ERC2: variants seen among roughly 807,000 people sequenced by gnomAD.
ERC2 encodes the protein ELKS/RAB6-interacting/CAST family member 2, also known as ERC protein 2.
A neutral mutation model predicts 114.8 loss-of-function variants in ERC2; 42 were observed. That is an observed-to-expected ratio of 0.37 (90% confidence interval 0.29 to 0.47). ERC2 has a LOEUF of 0.47. Among genes scored for constraint, ERC2 ranks in the 20% least tolerant of loss-of-function variants. The probability of loss-of-function intolerance (pLI) is 0.99; values close to 1 mark genes in which losing one functional copy is unlikely to be tolerated. For missense variants in ERC2, 939 were observed against 1,150.7 expected (o/e 0.82, Z 2.66); for synonymous variants, 454 against 425.5 (o/e 1.07, Z -0.82).
intron 6 of ERC2, among the ~76,000 whole-genome samples, chr3:56,115,191 A>G (rs540361976): frequency 6.6e-6 from 1 of 152,256 alleles, no homozygotes; most frequent in South Asian, 2.1e-4. Context: ...TCTCTATTGC[A>G]ATTCCCCTGT....
intron 10 of ERC2, among the ~76,000 whole-genome samples, chr3:55,998,334 T>G (rs1395082305): frequency 2.0e-5 from 3 of 152,162 alleles, no homozygotes; most frequent in Non-Finnish European, 2.9e-5. Flanking sequence ...TAATTATTAA[T>G]GCAATCCTTT....
intron 17 of ERC2, among the ~76,000 whole-genome samples, chr3:55,651,912 TG>T (rs1462522424): frequency 1.3e-5 from 2 of 152,258 alleles, no homozygotes; most frequent in Non-Finnish European, 2.9e-5. Context: ...CTCGGAATGC[TG>T]TTGCATTTCA....
intron 17 of ERC2, among the ~76,000 whole-genome samples, chr3:55,517,912 A>G (rs534748712): frequency 1.2e-4 from 19 of 152,362 alleles, no homozygotes; most frequent in African/African-American, 4.6e-4. Flanking sequence ...TTTCCTCAAA[A>G]GAATACCTTC....
At chr3:56,122,535 A>G (rs2079637473) in intron 6 of ERC2, among the ~76,000 whole-genome samples, 1 of 152,164 alleles carries the variant, frequency 6.6e-6, no homozygotes, top group African/African-American at 2.4e-5. Context: ...GCCATCCGCA[A>G]TTCCAAAGAA....
At chr3:55,976,520 T>C (rs1011390833) in intron 12 of ERC2, among the ~76,000 whole-genome samples, 1 of 152,236 alleles carries the variant, frequency 6.6e-6, no homozygotes, top group Admixed American at 6.5e-5. Flanking sequence ...AAATGTTTAT[T>C]AAGTGTCTAC....
At chr3:55,550,162 T>C (rs1262545319) in intron 17 of ERC2, among the ~76,000 whole-genome samples, 1 of 152,038 alleles carries the variant, frequency 6.6e-6, no homozygotes, top group Non-Finnish European at 1.5e-5. Context: ...ACTTGCCTCA[T>C]TCCCTCCCTC....
At chr3:56,393,242 A>G (rs1262578116) in intron 2 of ERC2, among the ~76,000 whole-genome samples, 1 of 152,180 alleles carries the variant, frequency 6.6e-6, no homozygotes, top group East Asian at 1.9e-4. Flanking sequence ...TACTAAAAAT[A>G]CAAAAATTAG....
intron 4 of ERC2, among the ~76,000 whole-genome samples, chr3:56,162,092 A>G (rs1402365548): frequency 6.6e-6 from 1 of 152,166 alleles, no homozygotes; most frequent in African/African-American, 2.4e-5. Context: ...TTTTATCATG[A>G]AGGGATGTTG....
chr3:56,343,188 T>TCACACACA (rs1247948473), intron 2 of ERC2, among the ~76,000 whole-genome samples: 47 of 31,448 alleles, frequency 1.5e-3, no homozygotes, highest in South Asian at 9.2e-3. Flanking sequence ...TCTCTCTCTC[T>TCACACACA]CTCTCACACA....
intron 2 of ERC2, among the ~76,000 whole-genome samples, chr3:56,428,570 A>AG (rs1330823702): frequency 2.7e-5 from 3 of 111,848 alleles, no homozygotes; most frequent in African/African-American, 7.4e-5. Flanking sequence ...GGAGGGAGGG[A>AG]GGGGAGAAAA....
At chr3:56,408,240 C>A (rs531213936) in intron 2 of ERC2, among the ~76,000 whole-genome samples, 4 of 152,142 alleles carry the variant, frequency 2.6e-5, no homozygotes, top group Non-Finnish European at 5.9e-5. Flanking sequence ...CCGTGCTGGG[C>A]TCTTCTCTCA....
At chr3:56,466,585 A>C (rs538460928) in intron 1 of ERC2, among the ~76,000 whole-genome samples, 19 of 152,350 alleles carry the variant, frequency 1.2e-4, no homozygotes, top group African/African-American at 4.3e-4. Context: ...TACTCCCCGG[A>C]AAGAAAATGG....
Position 56,000,680 on chromosome 3 carries a change from G to C in ERC2, c.2061+6501C>G, listed in dbSNP as rs533972680. 1.0e-3 allele frequency among the ~76,000 whole-genome samples: 154 copies of C among 152,192 alleles called. 2 individuals carry two copies. The South Asian group carries it at 0.031, about 31-fold the overall frequency. ...GCGGCAGAAAGGCCATTTTTAATCA[G>C]TGCTGGAAGAAGCATGCTTTGGTGG... is the stretch of plus-strand genomic sequence containing the variant. On this transcript the variant is annotated intron_variant, in intron 10 of 17. Transcript: ENST00000288221.
chr3:55,654,146 G>A (rs184720331), intron 17 of ERC2, among the ~76,000 whole-genome samples: 2 of 152,344 alleles, frequency 1.3e-5, no homozygotes, highest in East Asian at 1.9e-4. Flanking sequence ...GAAACACACA[G>A]GTCTCAGCTC....
At chr3:56,379,372 T>C (rs2059665057) in intron 2 of ERC2, among the ~76,000 whole-genome samples, 1 of 152,218 alleles carries the variant, frequency 6.6e-6, no homozygotes, top group Admixed American at 6.5e-5. Context: ...TAACCTGGTG[T>C]AGCTTCTATT....
chr3:56,349,327 G>A (rs748848445), intron 2 of ERC2, among the ~76,000 whole-genome samples: 1 of 152,054 alleles, frequency 6.6e-6, no homozygotes, highest in African/African-American at 2.4e-5. Flanking sequence ...TTGAATAAGT[G>A]AACCATTGGC....
chr3:55,527,320 G>A (rs1390593618), intron 17 of ERC2, among the ~76,000 whole-genome samples: 1 of 152,170 alleles, frequency 6.6e-6, no homozygotes, highest in Admixed American at 6.5e-5. Context: ...TGCTTAGTGG[G>A]GGGCCTCACA....
chr3:55,824,450 A>G (rs530573032), intron 14 of ERC2, among the ~76,000 whole-genome samples: 2 of 152,338 alleles, frequency 1.3e-5, no homozygotes, highest in African/African-American at 4.8e-5. Context: ...TGAGTAAGAA[A>G]AAAACTCCTG....
chr3:55,702,397 C>A (rs905676845), intron 15 of ERC2, among the ~76,000 whole-genome samples: 3 of 152,150 alleles, frequency 2.0e-5, no homozygotes, highest in South Asian at 2.1e-4. Flanking sequence ...ATACTCTAGA[C>A]CGTTTTTATT....
Sources: gnomAD v4.1 joint callset for allele counts (sites outside exome capture counted in the v4.1 genomes callset) on GRCh38, gnomAD v4.1.1 for gene constraint, MANE v1.5 for transcripts, NCBI Gene and HGNC (gene_info 2026-07-23, HGNC 2026-07-21) for gene names.